Variants in RTEL1 observed in about 807,000 individuals in gnomAD.
The protein encoded by RTEL1 is regulator of telomere elongation helicase 1.
In RTEL1, 86 loss-of-function variants were observed where a neutral mutation model predicts 162.2. The ratio of observed to expected loss-of-function variants is 0.53; its 90% CI spans 0.45 to 0.63. RTEL1 has a LOEUF of 0.63. Among genes scored for constraint, RTEL1 ranks in the 30% least tolerant of loss-of-function variants. RTEL1 has a pLI of 0.00. For missense variants in RTEL1, 1,941 were observed against 1,750.2 expected, an observed-to-expected ratio of 1.11 and a Z score of -1.95; for synonymous variants, 958 against 717.9, an observed-to-expected ratio of 1.33 and a Z score of -5.35.
chr20:63,662,523 C>T, intron 4 of RTEL1, 23 bp from the exon 5 acceptor site: 4 of 1,613,566 alleles, frequency 2.5e-6, no homozygotes, highest in Non-Finnish European at 2.5e-6. Flanking sequence ...TCCTCCTCGA[C>T]CCACGGTGCT....
At chr20:63,693,949 C>T (rs1162949163) in intron 30 of RTEL1, among the ~76,000 whole-genome samples, 1 of 151,446 alleles carries the variant, frequency 6.6e-6, no homozygotes, top group Admixed American at 6.6e-5. Context: ...CCTGTCCTCC[C>T]TGTTTCTGCC....
chr20:63,694,299 G>GGCCAGGCCC, intron 30 of RTEL1, 73 bp from the exon 31 acceptor site: 3 of 841,720 alleles, frequency 3.6e-6, no homozygotes, highest in African/African-American at 1.7e-5. Flanking sequence ...TCCCTAGCCA[G>GGCCAGGCCC]CCCTGCCCCC....
At chr20:63,692,668 G>C (rs781560788) in intron 28 of RTEL1, 137 bp from the exon 29 acceptor site, 259 of 819,296 alleles carry the variant, frequency 3.2e-4, no homozygotes, top group Non-Finnish European at 4.8e-4. Flanking sequence ...CATCCAGCCA[G>C]CCAGTTTCTC....
At chr20:63,669,656 G>A (rs3848670) in intron 8 of RTEL1, among the ~76,000 whole-genome samples, 61,849 of 144,702 alleles carry the variant, frequency 0.43, 13,769 homozygotes, top group Non-Finnish European at 0.47. Flanking sequence ...CAAGATGGGT[G>A]GAATGGCCAG....
intron 6 of RTEL1, chr20:63,665,014 G>A: frequency 6.5e-6 from 1 of 153,336 alleles, no homozygotes; most frequent in Non-Finnish European, 1.5e-5. Context: ...TGGCTGGTCT[G>A]TTGCTATGGT....
intron 7 of RTEL1, among the ~76,000 whole-genome samples, chr20:63,667,067 C>G (rs1433904905): frequency 6.7e-6 from 1 of 149,868 alleles, no homozygotes; most frequent in South Asian, 2.1e-4. Flanking sequence ...TCTCGATCTT[C>G]TGACCTTGTG....
intron 4 of RTEL1, 29 bp from the exon 5 acceptor site, chr20:63,662,517 C>G (rs2090041012): frequency 1.2e-6 from 2 of 1,612,966 alleles, no homozygotes; most frequent in Non-Finnish European, 1.7e-6. Flanking sequence ...GACAGCTCCT[C>G]CTCGACCCAC....
At chr20:63,694,246 C>A (rs2090906505) in intron 30 of RTEL1, 126 bp from the exon 31 acceptor site, 2 of 788,648 alleles carry the variant, frequency 2.5e-6, no homozygotes, top group Admixed American at 3.8e-5. Context: ...CGTGTACCTG[C>A]CTGGGTTTTC....
chr20:63,665,581 G>C (rs760559391), intron 6 of RTEL1, among the ~76,000 whole-genome samples: 1 of 152,170 alleles, frequency 6.6e-6, no homozygotes, highest in African/African-American at 2.4e-5. Context: ...GCTGAGTGAC[G>C]GTGCTAATCA....
chr20:63,693,615 ACCTCCACCACCACCT>A (rs1568721196), intron 30 of RTEL1, among the ~76,000 whole-genome samples: 6 of 39,676 alleles, frequency 1.5e-4, no homozygotes, highest in East Asian at 1.2e-3. Context: ...CACCACCTCC[ACCTCCACCACCACCT>A]CCACCACCAC....
chr20:63,678,628 G>A (rs1450071729), intron 12 of RTEL1, among the ~76,000 whole-genome samples: 3 of 133,596 alleles, frequency 2.2e-5, no homozygotes, highest in African/African-American at 8.8e-5. Context: ...ACACTCCCAC[G>A]AACAGCACAC....
chr20:63,663,483 T>C (rs1400837779), intron 6 of RTEL1, among the ~76,000 whole-genome samples: 1 of 152,194 alleles, frequency 6.6e-6, no homozygotes, highest in Non-Finnish European at 1.5e-5. Context: ...CGGGGCAGCT[T>C]GCCCTGTGAC....
intron 30 of RTEL1, 72 bp downstream of exon 30, chr20:63,693,355 T>C (rs2090815746): frequency 1.3e-6 from 2 of 1,579,602 alleles, no homozygotes; most frequent in African/African-American, 1.3e-5. Context: ...CCTGGGCTGC[T>C]TGGGGTGGGC....
Position 63,661,258 on chromosome 20 carries a change from TC to T in RTEL1, c.103-38del, listed in dbSNP as rs745989791. 6 of 1,590,642 alleles carry T rather than the reference TC, an allele frequency of 3.8e-6. No individual in the cohort carries two copies. The South Asian group carries it at 6.6e-5, about 18-fold the overall frequency. ...GGGCAGCTTGTGTGGCCTCGCCTCT[TC>T]CTGGCTTCCCCGTAACCCTTGCTCC... On this transcript the variant is annotated intron_variant, in intron 2 of 34. Transcript: ENST00000360203. The surrounding 1 kb of genome is among the most constrained non-coding windows in gnomAD (Gnocchi z 5.1).
chr20:63,689,125 G>C lies in RTEL1; in HGVS notation c.1871G>C (p.Arg624Pro). 1 of 1,609,008 alleles carries C rather than the reference G, an allele frequency of 6.2e-7. No individual in the cohort carries two copies. ...GGCGCCACCTTCCTGGCGGTCTGCC[G>C]GGGCAAGGTGAGCTCTCCAGGGCCC... Reference protein sequence around the residue: ...STGATFLAVCRGKASEGLDFS... With the variant: ...STGATFLAVCPGKASEGLDFS... Residue 624 changes from arginine (R) to proline (P), a missense_variant, in exon 22 of 35, where the codon CGG becomes CCG. Transcript: ENST00000360203.
At chr20:63,685,948 A>G (rs2090583300) in intron 16 of RTEL1, 76 bp downstream of exon 16, 5 of 1,407,608 alleles carry the variant, frequency 3.6e-6, no homozygotes, top group South Asian at 1.2e-5. Flanking sequence ...GGCTAGGCAC[A>G]TGCCCAGCCG....
At chr20:63,685,376 G>A in intron 14 of RTEL1, 147 bp from the exon 15 acceptor site, 1 of 783,246 alleles carries the variant, frequency 1.3e-6, no homozygotes. Flanking sequence ...GCCAGCTCCT[G>A]TCCATTGGCC....
At chr20:63,666,110 G>A in intron 7 of RTEL1, 31 bp downstream of exon 7, 1 of 1,566,422 alleles carries the variant, frequency 6.4e-7, no homozygotes, top group African/African-American at 1.4e-5. Flanking sequence ...CACGACCACT[G>A]TCCTTCCATG....
At chr20:63,693,663 TCCACCACCACCA>T (rs1568721401) in intron 30 of RTEL1, among the ~76,000 whole-genome samples, 3 of 2,704 alleles carry the variant, frequency 1.1e-3, no homozygotes, top group Non-Finnish European at 1.5e-3. Flanking sequence ...CACCACCACC[TCCACCACCACCA>T]CCACCACCAC....
Sources: gnomAD v4.1 joint callset for allele counts (sites outside exome capture counted in the v4.1 genomes callset) on GRCh38, gnomAD v4.1.1 for gene constraint, Gnocchi (gnomAD v3.1) non-coding constraint, MANE v1.5 for transcripts, NCBI Gene and HGNC (gene_info 2026-07-23, HGNC 2026-07-21) for gene names.